Variants in TRPM6 observed in about 807,000 individuals in gnomAD.
TRPM6 encodes transient receptor potential cation channel subfamily M member 6, also known as channel kinase 2.
In TRPM6, 111 loss-of-function variants were observed where a neutral mutation model predicts 247.6. The ratio of observed to expected loss-of-function variants is 0.45; its 90% CI spans 0.38 to 0.52. The LOEUF (loss-of-function observed/expected upper bound fraction) is 0.52. Ranked by LOEUF, TRPM6 falls within the 20% of genes least tolerant of loss-of-function variation. The probability of loss-of-function intolerance (pLI) is 0.00; values close to 1 mark genes in which losing one functional copy is unlikely to be tolerated. For synonymous variants in TRPM6, 892 were observed against 853.8 expected (o/e 1.04, Z -0.78); for missense variants, 2,126 against 2,421.5 (o/e 0.88, Z 2.56).
intron 7 of TRPM6, among the ~76,000 whole-genome samples, chr9:74,824,883 CTT>C (rs1210811068): frequency 6.8e-6 from 1 of 146,028 alleles, no homozygotes; most frequent in African/African-American, 2.5e-5. Context: ...TAATGTGAGT[CTT>C]TTTTTTTTTT....
chr9:74,734,135 G>A (rs1825617454), intron 36 of TRPM6, among the ~76,000 whole-genome samples: 1 of 152,190 alleles, frequency 6.6e-6, no homozygotes, highest in Non-Finnish European at 1.5e-5. Flanking sequence ...TAAAATACAA[G>A]TGGTGAGGAG....
chr9:74,772,139 A>G (rs1386495438), intron 24 of TRPM6, among the ~76,000 whole-genome samples: 1 of 152,078 alleles, frequency 6.6e-6, no homozygotes, highest in Non-Finnish European at 1.5e-5. Flanking sequence ...AAAAATTTCA[A>G]TATTAGCTAG....
chr9:74,860,802 G>A (rs1830671179), intron 1 of TRPM6, among the ~76,000 whole-genome samples: 3 of 152,202 alleles, frequency 2.0e-5, no homozygotes, highest in African/African-American at 7.2e-5. Context: ...TGGATCACTT[G>A]AGCCCAGGAC....
intron 23 of TRPM6, among the ~76,000 whole-genome samples, chr9:74,777,839 T>TA (rs1171276905): frequency 6.6e-6 from 1 of 152,082 alleles, no homozygotes; most frequent in African/African-American, 2.4e-5. Flanking sequence ...GTATGAAAAA[T>TA]ACACACCTCT....
intron 25 of TRPM6, among the ~76,000 whole-genome samples, chr9:74,769,824 G>T (rs998764206): frequency 6.6e-6 from 1 of 151,934 alleles, no homozygotes; most frequent in Non-Finnish European, 1.5e-5. Flanking sequence ...AACCAAGGAG[G>T]TTCAGTAAAT....
chr9:74,797,215 C>T (rs1828128593), intron 17 of TRPM6, among the ~76,000 whole-genome samples: 1 of 152,110 alleles, frequency 6.6e-6, no homozygotes, highest in African/African-American at 2.4e-5. Context: ...TACTGTGCAA[C>T]CATTAAAAAG....
intron 1 of TRPM6, chr9:74,887,143 A>C: frequency 2.6e-6 from 2 of 783,202 alleles, no homozygotes; most frequent in Non-Finnish European, 3.5e-6. Context: ...CCAGCGGTGG[A>C]GAGGAGCCAG....
At chr9:74,735,144 C>T (rs1015598678) in intron 36 of TRPM6, among the ~76,000 whole-genome samples, 4 of 151,838 alleles carry the variant, frequency 2.6e-5, no homozygotes, top group African/African-American at 9.7e-5. Flanking sequence ...TCGTTAGAGC[C>T]CAGGAGGTTG....
intron 1 of TRPM6, among the ~76,000 whole-genome samples, chr9:74,881,266 G>A (rs751996546): frequency 4.0e-5 from 6 of 151,516 alleles, no homozygotes; most frequent in East Asian, 1.9e-4. Flanking sequence ...GAAACCAAAC[G>A]CAAGCATAAA....
Position 74,867,201 on chromosome 9 carries a change from T to C in TRPM6, c.34-8453A>G, listed in dbSNP as rs1416290687. On this transcript the variant is annotated intron_variant, in intron 1 of 38. Transcript: ENST00000360774. ...TTTTAATGGCCTTTTTAGATCATTGTGTATTCATCATGTACCCTTGGGAAA... is the reference window on the plus strand; with the variant it reads ...TTTTAATGGCCTTTTTAGATCATTGCGTATTCATCATGTACCCTTGGGAAA... 2.6e-5 allele frequency among the ~76,000 whole-genome samples: 4 copies of C among 152,204 alleles called. No homozygotes were observed. In the South Asian group the frequency reaches 6.2e-4, roughly 24 times the overall value.
intron 12 of TRPM6, among the ~76,000 whole-genome samples, chr9:74,811,534 G>A (rs1828729002): frequency 6.6e-6 from 1 of 152,194 alleles, no homozygotes; most frequent in African/African-American, 2.4e-5. Context: ...GGGTTTACAT[G>A]GGAAAGGTAC....
At chr9:74,863,083 G>T (rs1272683375) in intron 1 of TRPM6, among the ~76,000 whole-genome samples, 1 of 151,324 alleles carries the variant, frequency 6.6e-6, no homozygotes. Flanking sequence ...AGTTTCTCTC[G>T]TTGCCCAGAC....
At chr9:74,750,586 A>C in intron 30 of TRPM6, 78 bp downstream of exon 30, 1 of 1,250,838 alleles carries the variant, frequency 8.0e-7, no homozygotes, top group Non-Finnish European at 1.2e-6. Flanking sequence ...TTTCTGACTA[A>C]ATTAAACCTT....
At chr9:74,726,795 T>C (rs1825343499) in intron 38 of TRPM6, among the ~76,000 whole-genome samples, 1 of 152,176 alleles carries the variant, frequency 6.6e-6, no homozygotes, top group South Asian at 2.1e-4. Context: ...ACTCTGATCG[T>C]TGTCAGCTCC....
intron 38 of TRPM6, 28 bp downstream of exon 38, chr9:74,728,211 A>G (rs750189354): frequency 6.7e-7 from 1 of 1,489,432 alleles, no homozygotes. Flanking sequence ...AGATTTACTT[A>G]GAGAAAAAAG....
intron 11 of TRPM6, among the ~76,000 whole-genome samples, chr9:74,816,061 A>T (rs1828911251): frequency 6.6e-6 from 1 of 152,242 alleles, no homozygotes; most frequent in Admixed American, 6.5e-5. Context: ...AAAATAAATT[A>T]AAAATTGTAC....
Position 74,850,485 on chromosome 9 carries a change from T to C in TRPM6, c.152+5042A>G, listed in dbSNP as rs549718779. 7.9e-3 allele frequency among the ~76,000 whole-genome samples: 1,195 copies of C among 151,770 alleles called. 17 individuals are homozygous for C. The highest frequency in any genetic ancestry group is 0.011 in the Non-Finnish European group (780 of 67,882). On this transcript the variant is annotated intron_variant, in intron 3 of 38. Coordinates refer to ENST00000360774, the MANE Select transcript of TRPM6 (RefSeq NM_017662.5). ...CTGTATTCCCACCACTTTGGGAGGC[T>C]GAGGTGGGTGGATCACATGAGGTCG...
intron 17 of TRPM6, 154 bp downstream of exon 17, chr9:74,800,100 G>C: frequency 7.0e-6 from 5 of 711,718 alleles, no homozygotes; most frequent in Non-Finnish European, 1.2e-5. Context: ...GGGTATACGA[G>C]TAGCTGCAGT....
chr9:74,800,955 G>A (rs993556669), intron 16 of TRPM6, among the ~76,000 whole-genome samples: 4 of 144,668 alleles, frequency 2.8e-5, no homozygotes, highest in African/African-American at 1.0e-4. Flanking sequence ...CAACTAGCAA[G>A]TAAGGAAAGC....
Sources: allele counts gnomAD v4.1 joint callset (sites outside exome capture counted in the v4.1 genomes callset), GRCh38; gene constraint gnomAD v4.1.1; transcripts MANE v1.5; gene names NCBI Gene and HGNC (gene_info 2026-07-23, HGNC 2026-07-21).